Variants in GPRIN2 observed in about 807,000 individuals in gnomAD.
GPRIN2 encodes G protein-regulated inducer of neurite outgrowth 2.
A neutral mutation model predicts 0.3 loss-of-function variants in GPRIN2; 1 was observed. That is an observed-to-expected ratio of 3.90 (90% confidence interval 1.39 to 18.51). The LOEUF (loss-of-function observed/expected upper bound fraction) is 18.51, where lower values mean the gene tolerates loss of function less well. Ranked by LOEUF, GPRIN2 falls within the 30% of genes most tolerant of loss-of-function variation. The probability of loss-of-function intolerance (pLI) is 0.11; values close to 1 mark genes in which losing one functional copy is unlikely to be tolerated. For synonymous variants in GPRIN2, 361 were observed against 258.6 expected (o/e 1.40, Z -3.80); for missense variants, 880 against 604.2 (o/e 1.46, Z -4.79).
intron 2 of GPRIN2, among the ~76,000 whole-genome samples, chr10:46,551,681 T>C (rs1842627149): frequency 6.6e-6 from 1 of 152,310 alleles, no homozygotes; most frequent in Non-Finnish European, 1.5e-5. Flanking sequence ...TGCATCCTCA[T>C]TGTCCCCCAC....
In GPRIN2 at chr10:46,541,833, A is replaced by G. The variant is rs1406062464; in HGVS notation, c.*7527T>C. Among the ~76,000 whole-genome samples the G allele has an allele frequency of 1.3e-5, 2 of 152,306 alleles. No homozygotes were observed. The highest frequency in any genetic ancestry group is 4.8e-5 in the African/African-American group (2 of 41,488). ...GATAAAATATCAAAAATTTCAATAA[A>G]GCAGCATCCGACTTCCTGCCCAGCT... On this transcript the variant is annotated 3_prime_UTR_variant, in exon 3 of 3. Transcript: ENST00000374314.
intron 2 of GPRIN2, among the ~76,000 whole-genome samples, chr10:46,553,885 G>A (rs1842882430): frequency 6.6e-6 from 1 of 152,306 alleles, no homozygotes; most frequent in Non-Finnish European, 1.5e-5. Flanking sequence ...GGAGTACTGG[G>A]GGAAAGAGGC....
At position 46,547,240 on chromosome 10, in the gene GPRIN2, C is replaced by A. The variant is rs144152604; in HGVS notation, c.*2120G>T. ...ATGCGTGTGTGTGCACGTGTATGAACCCAGCCCCCAGCTGCCCACTCCATT... is the reference window on the plus strand; with the variant it reads ...ATGCGTGTGTGTGCACGTGTATGAAACCAGCCCCCAGCTGCCCACTCCATT... On this transcript the variant is annotated 3_prime_UTR_variant, in exon 3 of 3. Transcript: ENST00000374314. Among the ~76,000 whole-genome samples the A allele has an allele frequency of 1.7e-3, 252 of 152,292 alleles. No homozygotes were observed. Among genetic ancestry groups the A allele is most frequent in the African/African-American group, 5.7e-3 (238 of 41,486 alleles).
upstream of GPRIN2, among the ~76,000 whole-genome samples, chr10:46,556,699 A>AGGGGCGGCGGGC (rs1433281278): frequency 6.6e-5 from 10 of 152,168 alleles, no homozygotes; most frequent in African/African-American, 9.6e-5. Context: ...GGGCGGCGGG[A>AGGGGCGGCGGGC]GGGGCGGCGG....
At chr10:46,555,435 G>C (rs1831914930) in intron 1 of GPRIN2, 610 of 153,860 alleles carry the variant, frequency 4.0e-3, no homozygotes, top group African/African-American at 0.014. Flanking sequence ...TGGGGATACA[G>C]CACCCTCCAG....
At chr10:46,551,380 T>A in intron 2 of GPRIN2, 4 of 984,856 alleles carry the variant, frequency 4.1e-6, no homozygotes, top group Non-Finnish European at 4.8e-6. Flanking sequence ...CTAGCCTTGC[T>A]GAGCTGGCAT....
chr10:46,555,780 G>A (rs1376808934), intron 1 of GPRIN2, among the ~76,000 whole-genome samples: 2 of 152,306 alleles, frequency 1.3e-5, no homozygotes, highest in Non-Finnish European at 2.9e-5. Context: ...CCCCGGCCTA[G>A]AAGCAGCCTA....
chr10:46,547,534 T>G lies in GPRIN2; in HGVS notation c.*1826A>C, dbSNP rs1832845468. On this transcript the variant is annotated 3_prime_UTR_variant, in exon 3 of 3. Coordinates refer to ENST00000374314, the MANE Select transcript of GPRIN2 (RefSeq NM_001385282.1). ...AAGTATCTGACCAGGCTGTTCCATCTGCCAGGCAGGTCCTGCCCTCTCTCC... is the reference window on the plus strand; with the variant it reads ...AAGTATCTGACCAGGCTGTTCCATCGGCCAGGCAGGTCCTGCCCTCTCTCC... Among the ~76,000 whole-genome samples the G allele has an allele frequency of 6.6e-6, 1 of 152,310 alleles. No individual in the cohort carries two copies. The highest frequency in any genetic ancestry group is 1.5e-5 in the Non-Finnish European group (1 of 68,058).
At chr10:46,557,349 A>G (rs1274629162), upstream of GPRIN2, among the ~76,000 whole-genome samples, 1 of 152,248 alleles carries the variant, frequency 6.6e-6, no homozygotes, top group Non-Finnish European at 1.5e-5. Flanking sequence ...TGGCCCCCGG[A>G]GCCCTCCATT....
chr10:46,549,438 C>T lies in GPRIN2; in HGVS notation c.1299G>A (p.Arg433=), dbSNP rs1832719492. 1 of 1,599,524 alleles carries T rather than the reference C, an allele frequency of 6.3e-7. No individual in the cohort carries two copies. The highest frequency in any genetic ancestry group is 1.1e-5 in the South Asian group (1 of 88,914). ...GCATGACAGCCCGCAGTGGCCCCCT[C>T]CGGCCCTCCACAGACAGGCTGTCCT... The part of the protein sequence containing the change: ...ASEDSLSVEG[R]RGPLRAVMQS... Residue 433 remains arginine (R), a synonymous_variant, in exon 3 of 3, where the codon CGG becomes CGA. Coordinates refer to ENST00000374314, the MANE Select transcript of GPRIN2 (RefSeq NM_001385282.1).
At position 46,545,713 on chromosome 10, in the gene GPRIN2, T is replaced by C. The variant is rs1832935138; in HGVS notation, c.*3647A>G. 9.2e-5 allele frequency among the ~76,000 whole-genome samples: 14 copies of C among 152,416 alleles called. No individual in the cohort carries two copies. In the East Asian group the frequency reaches 2.3e-3, roughly 25 times the overall value. On this transcript the variant is annotated 3_prime_UTR_variant, in exon 3 of 3. Transcript: ENST00000374314. Reference sequence around the variant, plus strand: ...ACAGCCAAGCTGGCAGGGTAAGAGGTGGCCCCTGAATGTGGCTATGAGAGG... The same window carrying C: ...ACAGCCAAGCTGGCAGGGTAAGAGGCGGCCCCTGAATGTGGCTATGAGAGG...
In GPRIN2 at chr10:46,549,664, G is replaced by A. The variant is rs1832637794; in HGVS notation, c.1073C>T (p.Ala358Val). 2 of 1,614,190 alleles carry A rather than the reference G, an allele frequency of 1.2e-6. No homozygotes were observed. Among genetic ancestry groups the A allele is most frequent in the South Asian group, 1.1e-5 (1 of 91,092 alleles). ...TACCTCTGGGAACACATGCAGGGCTGCAGGCGCTTCCAGGGACGGACTGGT... is the reference window on the plus strand; with the variant it reads ...TACCTCTGGGAACACATGCAGGGCTACAGGCGCTTCCAGGGACGGACTGGT... ...VATSPSLEAP[A>V]ALHVFPEVTL... The change falls in exon 3 of 3, where the codon GCA becomes GTA. Residue 358 changes from alanine to valine, a missense_variant. Transcript: ENST00000374314.
chr10:46,548,246 G>T lies in GPRIN2; in HGVS notation c.*1114C>A. Among the ~76,000 whole-genome samples, 3 of 152,294 alleles carry T rather than the reference G, an allele frequency of 2.0e-5. No homozygotes were observed. Among genetic ancestry groups the T allele is most frequent in the Non-Finnish European group, 4.4e-5 (3 of 68,054 alleles). On this transcript the variant is annotated 3_prime_UTR_variant, in exon 3 of 3. Coordinates refer to ENST00000374314, the MANE Select transcript of GPRIN2 (RefSeq NM_001385282.1). ...GGCAATGAAGTCAGACTGTGCCAAA[G>T]CCCATGTTTCTGTCTCTCCAAGGCC... is the stretch of plus-strand genomic sequence containing the variant.
intron 2 of GPRIN2, among the ~76,000 whole-genome samples, chr10:46,553,659 A>G (rs1199407828): frequency 1.3e-5 from 2 of 152,306 alleles, no homozygotes; most frequent in African/African-American, 4.8e-5. Flanking sequence ...ACCCAGGGCT[A>G]GTCATCACCC....
chr10:46,556,673 G>C (rs1305014139), upstream of GPRIN2, among the ~76,000 whole-genome samples: 2 of 152,082 alleles, frequency 1.3e-5, no homozygotes, highest in Non-Finnish European at 2.9e-5. Flanking sequence ...AGGGGCCAGC[G>C]GGGCAGCTGG....
In GPRIN2 at chr10:46,543,742, A is replaced by G. The variant is rs1157525162; in HGVS notation, c.*5618T>C. ...TCCCAATAAAGTAGGGCCATGAAAGATGAATTTTAGGATATCCACTTGGGG... is the reference window on the plus strand; with the variant it reads ...TCCCAATAAAGTAGGGCCATGAAAGGTGAATTTTAGGATATCCACTTGGGG... On this transcript the variant is annotated 3_prime_UTR_variant, in exon 3 of 3. Coordinates refer to ENST00000374314, the MANE Select transcript of GPRIN2 (RefSeq NM_001385282.1). 6.6e-6 allele frequency among the ~76,000 whole-genome samples: 1 copy of G among 152,310 alleles called. No individual in the cohort carries two copies. Among genetic ancestry groups the G allele is most frequent in the Non-Finnish European group, 1.5e-5 (1 of 68,058 alleles).
At chr10:46,554,176 T>G (rs1842916999) in intron 2 of GPRIN2, among the ~76,000 whole-genome samples, 2 of 152,308 alleles carry the variant, frequency 1.3e-5, no homozygotes, top group African/African-American at 4.8e-5. Flanking sequence ...CTCTTTCCCC[T>G]CCCATCAAGA....
intron 2 of GPRIN2, among the ~76,000 whole-genome samples, chr10:46,552,005 G>A (rs1842669598): frequency 6.6e-6 from 1 of 152,310 alleles, no homozygotes; most frequent in Non-Finnish European, 1.5e-5. Context: ...CTGTGTGCCT[G>A]ACCAAGAGAA....
Position 46,545,975 on chromosome 10 carries a change from A to C in GPRIN2, c.*3385T>G, listed in dbSNP as rs2133185912. ...TTAGCCCACTAAGCTACGGTGGCCAACCCCAGCCCAAAGTGTTGGGACCTG... is the reference window on the plus strand; with the variant it reads ...TTAGCCCACTAAGCTACGGTGGCCACCCCCAGCCCAAAGTGTTGGGACCTG... On this transcript the variant is annotated 3_prime_UTR_variant, in exon 3 of 3. Coordinates refer to ENST00000374314, the MANE Select transcript of GPRIN2 (RefSeq NM_001385282.1). 6.6e-6 allele frequency among the ~76,000 whole-genome samples: 1 copy of C among 152,428 alleles called. No homozygotes were observed. Among genetic ancestry groups the C allele is most frequent in the Admixed American group, 6.5e-5 (1 of 15,312 alleles).
Sources: allele counts gnomAD v4.1 joint callset (sites outside exome capture counted in the v4.1 genomes callset), GRCh38; gene constraint gnomAD v4.1.1; transcripts MANE v1.5; gene names NCBI Gene and HGNC (gene_info 2026-07-23, HGNC 2026-07-21).